The following GRHL2 variants were observed in gnomAD, a reference collection of about 807,000 sequenced individuals.
The protein encoded by GRHL2 is grainyhead-like protein 2 homolog.
Under a neutral mutation model 83.8 loss-of-function variants are expected in GRHL2, and 21 were observed. That is an observed-to-expected ratio of 0.25 (90% CI 0.18 to 0.36). The LOEUF is 0.36. Among genes scored for constraint, GRHL2 ranks in the 10% least tolerant of loss-of-function variants. The pLI is 1.00. For missense variants in GRHL2, 623 were observed against 781.8 expected (o/e 0.80, Z 2.42); for synonymous variants, 280 against 278.9 (o/e 1.00, Z -0.04).
intron 4 of GRHL2, among the ~76,000 whole-genome samples, chr8:101,559,870 G>A (rs1245102084): frequency 1.3e-5 from 2 of 152,202 alleles, no homozygotes; most frequent in Admixed American, 6.5e-5. Flanking sequence ...TTTGGCGAGC[G>A]TGGATCTGCC....
chr8:101,544,347 A>T (rs2130125855), intron 2 of GRHL2, among the ~76,000 whole-genome samples: 1 of 152,320 alleles, frequency 6.6e-6, no homozygotes, highest in Middle Eastern at 3.4e-3. Flanking sequence ...ATTTGTTTTG[A>T]TGAGTAGTAA....
At chr8:101,506,358 C>T (rs1243989894) in intron 1 of GRHL2, among the ~76,000 whole-genome samples, 1 of 152,132 alleles carries the variant, frequency 6.6e-6, no homozygotes, top group African/African-American at 2.4e-5. Context: ...AATTCCAGCA[C>T]CCTGTTAATA....
rs188683521 is a variant in GRHL2 at position 101,542,302 on chromosome 8, G to A, written c.21-939G>A. Reference sequence around the variant, plus strand: ...TTAATAAAGAATAATTAGGCCAGGCGTGGTGGCACATGCCTGTAATCCTTG... The same window carrying A: ...TTAATAAAGAATAATTAGGCCAGGCATGGTGGCACATGCCTGTAATCCTTG... On this transcript the variant is annotated intron_variant, in intron 1 of 15. Coordinates refer to ENST00000646743, the MANE Select transcript of GRHL2 (RefSeq NM_024915.4). Among the ~76,000 whole-genome samples the A allele has an allele frequency of 3.2e-3, 481 of 152,254 alleles. 1 individual carries two copies. The highest frequency in any genetic ancestry group is 5.0e-3 in the Non-Finnish European group (341 of 68,028).
At chr8:101,536,622 G>A (rs1811050346) in intron 1 of GRHL2, among the ~76,000 whole-genome samples, 1 of 152,202 alleles carries the variant, frequency 6.6e-6, no homozygotes, top group African/African-American at 2.4e-5. Context: ...CAGGCAGTCT[G>A]GCTTCAGAGT....
chr8:101,518,815 C>G (rs1810623778), intron 1 of GRHL2, among the ~76,000 whole-genome samples: 2 of 152,226 alleles, frequency 1.3e-5, no homozygotes, highest in African/African-American at 2.4e-5. Flanking sequence ...AAAGAGTTTT[C>G]TAAGGTGTTG....
rs1813861014 is a variant in GRHL2 at position 101,659,077 on chromosome 8, AAAT to A, written c.1699-5371_1699-5369del. Among the ~76,000 whole-genome samples, 3 of 152,234 alleles carry A rather than the reference AAAT, an allele frequency of 2.0e-5. No homozygotes were observed. In the South Asian group the frequency reaches 6.2e-4, roughly 32 times the overall value. On this transcript the variant is annotated intron_variant, in intron 14 of 15. Coordinates refer to ENST00000646743, the MANE Select transcript of GRHL2 (RefSeq NM_024915.4). ...CTGGTTATATTGATATTTATCATCA[AAAT>A]AATAAAAAACCATGCTTATGATATA...
the GRHL2 span, among the ~76,000 whole-genome samples, chr8:101,679,697 G>A: frequency 6.6e-6 from 1 of 151,608 alleles, no homozygotes; most frequent in African/African-American, 2.4e-5. Context: ...TACCCTCAAA[G>A]GGAAGTCCAT....
intron 8 of GRHL2, among the ~76,000 whole-genome samples, chr8:101,607,671 A>G (rs1481631842): frequency 1.3e-5 from 2 of 152,204 alleles, no homozygotes; most frequent in Non-Finnish European, 2.9e-5. Flanking sequence ...GGGTCTTGAA[A>G]GATTGAATTG....
chr8:101,607,495 G>T (rs1428025830), intron 8 of GRHL2, among the ~76,000 whole-genome samples: 1 of 152,120 alleles, frequency 6.6e-6, no homozygotes, highest in Non-Finnish European at 1.5e-5. Flanking sequence ...GATGATATGG[G>T]GTTGATAGAT....
rs1437090523 is a variant in GRHL2, at chr8:101,509,146, C to CT, written c.20+16359dup. ...CCTTCCTTCCTTCCTTCCTTCCTTCCTTCCTTCCTTCCTTTCTTTCTTTCT... is the reference window on the plus strand; with the variant it reads ...CCTTCCTTCCTTCCTTCCTTCCTTCCTTTCCTTCCTTCCTTTCTTTCTTTCT... On this transcript the variant is annotated intron_variant, in intron 1 of 15. Coordinates refer to ENST00000646743, the MANE Select transcript of GRHL2 (RefSeq NM_024915.4). Among the ~76,000 whole-genome samples the CT allele has an allele frequency of 9.3e-3, 621 of 67,082 alleles. 35 individuals carry two copies. The highest frequency in any genetic ancestry group is 0.016 in the African/African-American group (392 of 23,930). 44.0% of individuals were successfully genotyped at this position (67,082 alleles called of 152,430 possible). A position where few individuals can be genotyped will look rare whatever the true frequency, so the allele number is the denominator to read the frequency against.
intron 9 of GRHL2, among the ~76,000 whole-genome samples, chr8:101,627,662 A>G (rs1458893575): frequency 6.6e-6 from 1 of 152,172 alleles, no homozygotes; most frequent in African/African-American, 2.4e-5. Flanking sequence ...AAGGCATATC[A>G]AAAGCTGACA....
At chr8:101,633,596 C>T (rs1050671055) in intron 11 of GRHL2, among the ~76,000 whole-genome samples, 2 of 152,198 alleles carry the variant, frequency 1.3e-5, no homozygotes, top group Admixed American at 6.5e-5. Flanking sequence ...ATGCCTATAG[C>T]TGTTTCTTAA....
chr8:101,575,983 T>C (rs1205099915), intron 6 of GRHL2, among the ~76,000 whole-genome samples: 1 of 152,210 alleles, frequency 6.6e-6, no homozygotes, highest in African/African-American at 2.4e-5. Flanking sequence ...CTTTCTTGTG[T>C]AAAAATTGTT....
chr8:101,648,538 C>T (rs1813558583), intron 13 of GRHL2, among the ~76,000 whole-genome samples: 1 of 152,098 alleles, frequency 6.6e-6, no homozygotes, highest in South Asian at 2.1e-4. Context: ...AGTAGCTCTG[C>T]GAGGCAGATG....
At chr8:101,505,920 G>A (rs1014703211) in intron 1 of GRHL2, among the ~76,000 whole-genome samples, 4 of 152,136 alleles carry the variant, frequency 2.6e-5, no homozygotes, top group African/African-American at 9.7e-5. Flanking sequence ...TGAATTACAA[G>A]CTCCAAGTTT....
chr8:101,594,093 AAAAAAGAG>A (rs200594667), intron 7 of GRHL2, among the ~76,000 whole-genome samples: 1,616 of 112,806 alleles, frequency 0.014, 90 homozygotes, highest in African/African-American at 0.049. Context: ...AAAAAAAAAA[AAAAAAGAG>A]AGAGATAGTG....
At chr8:101,645,115 AATTTTTTTTTTTTTTTTTTT>A (rs1813483185) in intron 13 of GRHL2, among the ~76,000 whole-genome samples, 1 of 121,346 alleles carries the variant, frequency 8.2e-6, no homozygotes, top group African/African-American at 3.3e-5. Flanking sequence ...AGCAGTACAG[AATTTTTTTTTTTTTTTTTTT>A]TTTTTTTTTT....
chr8:101,633,242 T>G (rs1184491182), intron 11 of GRHL2, among the ~76,000 whole-genome samples: 2 of 152,240 alleles, frequency 1.3e-5, no homozygotes, highest in Non-Finnish European at 2.9e-5. Flanking sequence ...AAAAAATAAT[T>G]ATTTCCTTAG....
intron 5 of GRHL2, among the ~76,000 whole-genome samples, chr8:101,572,655 G>T (rs751589032): frequency 2.0e-5 from 3 of 152,148 alleles, no homozygotes; most frequent in Non-Finnish European, 4.4e-5. Context: ...TTGTCACTGT[G>T]AGCCGTCCTG....
Sources: gnomAD v4.1 joint callset for allele counts (sites outside exome capture counted in the v4.1 genomes callset) on GRCh38, gnomAD v4.1.1 for gene constraint, MANE v1.5 for transcripts, NCBI Gene and HGNC (gene_info 2026-07-23, HGNC 2026-07-21) for gene names.